UBE2U: variants seen among roughly 807,000 people sequenced by gnomAD.
UBE2U encodes ubiquitin-conjugating enzyme E2 U.
Under a neutral mutation model 41.2 loss-of-function variants are expected in UBE2U, and 39 were observed. The ratio of observed to expected loss-of-function variants is 0.95; its 90% CI spans 0.73 to 1.24. UBE2U has a LOEUF of 1.24. Ranked by LOEUF, UBE2U falls within the 50% of genes most tolerant of loss-of-function variation. UBE2U has a pLI of 0.00. For missense variants in UBE2U, 336 were observed against 363.1 expected (o/e 0.93, Z 0.61); for synonymous variants, 107 against 117.8 (o/e 0.91, Z 0.60).
chr1:64,218,234 A>T (rs1355678904), intron 5 of UBE2U, among the ~76,000 whole-genome samples: 1 of 152,164 alleles, frequency 6.6e-6, no homozygotes, highest in Non-Finnish European at 1.5e-5. Context: ...GTTTTGTTAC[A>T]GATATTCTGT....
intron 6 of UBE2U, among the ~76,000 whole-genome samples, chr1:64,227,137 A>T (rs1028176370): frequency 9.2e-5 from 14 of 152,188 alleles, no homozygotes; most frequent in African/African-American, 3.4e-4. Flanking sequence ...CAGTAATAGG[A>T]ATCTACAAAA....
chr1:64,239,123 GA>G (rs1278254167), intron 7 of UBE2U, among the ~76,000 whole-genome samples: 19 of 24,656 alleles, frequency 7.7e-4, no homozygotes, highest in Admixed American at 3.6e-3. Flanking sequence ...AGAAGAAGAA[GA>G]AGAAGAAGAA....
chr1:64,237,149 A>T (rs561136576), intron 7 of UBE2U, among the ~76,000 whole-genome samples: 11 of 152,170 alleles, frequency 7.2e-5, no homozygotes, highest in African/African-American at 2.7e-4. Context: ...AAAATATTCT[A>T]TCCTCCTTTA....
rs1557751498 is a variant in UBE2U at position 64,260,585 on chromosome 1, TTC to T, written c.678-16_678-15del. On this transcript the variant is annotated splice_polypyrimidine_tract_variant and intron_variant, in intron 8 of 9. Coordinates refer to ENST00000371077, the MANE Select transcript of UBE2U (RefSeq NM_001366232.2). Reference sequence around the variant, plus strand: ...CCAAAATTCATTTGGGAATTTAGTTTTCTTTTTCTCTTTCTAGGTATTCCGTT... The same window carrying T: ...CCAAAATTCATTTGGGAATTTAGTTTTTTTTCTCTTTCTAGGTATTCCGTT... 1.3e-6 allele frequency: 2 copies of T among 1,535,632 alleles called. No individual in the cohort carries two copies. Among genetic ancestry groups the T allele is most frequent in the African/African-American group, 1.4e-5 (1 of 72,576 alleles).
Position 64,204,080 on chromosome 1 carries a change from C to G in UBE2U, c.30C>G (p.His10Gln). The G allele has an allele frequency of 6.2e-7, 1 of 1,613,868 alleles. No individual in the cohort carries two copies. The highest frequency in any genetic ancestry group is 8.5e-7 in the Non-Finnish European group (1 of 1,179,874). The change falls in exon 1 of 10, where the codon CAC (histidine) becomes CAG (glutamine). Residue 10 changes from histidine (H) to glutamine (Q), a missense_variant. Physicochemically the swap from His to Gln is conservative, Grantham distance 24. Coordinates refer to ENST00000371077, the MANE Select transcript of UBE2U (RefSeq NM_001366232.2). MHGRAYLLL[H>Q]RDFCDLKENN... ...ACGGCAGAGCTTACCTCTTGCTGCA[C>G]AGAGACTTCTGTGATCTCAAGGAGA...
At chr1:64,230,762 G>A (rs1259617417) in intron 6 of UBE2U, among the ~76,000 whole-genome samples, 5 of 152,036 alleles carry the variant, frequency 3.3e-5, no homozygotes, top group Non-Finnish European at 5.9e-5. Flanking sequence ...ACTTTATCGC[G>A]TTAATATATA....
intron 2 of UBE2U, among the ~76,000 whole-genome samples, chr1:64,206,227 T>C (rs1219125334): frequency 6.6e-6 from 1 of 152,112 alleles, no homozygotes; most frequent in East Asian, 1.9e-4. Flanking sequence ...TTGAGTGAGG[T>C]AGGGGAGACA....
At chr1:64,218,055 G>C (rs1340404015) in intron 5 of UBE2U, among the ~76,000 whole-genome samples, 1 of 152,114 alleles carries the variant, frequency 6.6e-6, no homozygotes, top group African/African-American at 2.4e-5. Context: ...TCTTTTTAAA[G>C]TGAGTATACT....
intron 8 of UBE2U, among the ~76,000 whole-genome samples, chr1:64,249,047 C>T (rs74639541): frequency 0.17 from 25,903 of 152,024 alleles, 2,893 homozygotes; most frequent in Non-Finnish European, 0.25. Flanking sequence ...ACCTAATAAC[C>T]TAAAATTTAC....
chr1:64,214,902 A>T lies in UBE2U; in HGVS notation c.427A>T (p.Ile143Phe), dbSNP rs1246368656. Residue 143 changes from isoleucine to phenylalanine, a missense_variant, in exon 5 of 10, where the codon ATT (isoleucine) becomes TTT (phenylalanine). Ile to Phe is a conservative substitution (Grantham distance 21). Coordinates refer to ENST00000371077, the MANE Select transcript of UBE2U (RefSeq NM_001366232.2). ...TAAAGATGAATCTCTGTACAGAACAATTCTAAGACTTTTCAACAGGCCATT... is the reference window on the plus strand; with the variant it reads ...TAAAGATGAATCTCTGTACAGAACATTTCTAAGACTTTTCAACAGGCCATT... ...LVKDESLYRT[I>F]LRLFNRPLQM... 3 of 1,614,120 alleles carry T rather than the reference A, an allele frequency of 1.9e-6. No homozygotes were observed. Among genetic ancestry groups the T allele is most frequent in the African/African-American group, 1.3e-5 (1 of 75,054 alleles).
chr1:64,225,092 G>A (rs1303829681), intron 6 of UBE2U, among the ~76,000 whole-genome samples: 2 of 151,996 alleles, frequency 1.3e-5, no homozygotes, highest in African/African-American at 2.4e-5. Flanking sequence ...AGTAATAATG[G>A]TACTGATTTC....
chr1:64,250,588 A>G (rs1644990760), intron 8 of UBE2U, among the ~76,000 whole-genome samples: 1 of 152,186 alleles, frequency 6.6e-6, no homozygotes, highest in East Asian at 1.9e-4. Context: ...ATTATAAATC[A>G]TGCTGCTATA....
intron 8 of UBE2U, among the ~76,000 whole-genome samples, chr1:64,258,422 T>C (rs1375363411): frequency 6.6e-6 from 1 of 151,306 alleles, no homozygotes; most frequent in Non-Finnish European, 1.5e-5. Flanking sequence ...GCTGCACCCA[T>C]TAACTCGTCA....
intron 7 of UBE2U, among the ~76,000 whole-genome samples, chr1:64,235,799 C>T (rs1276761590): frequency 6.6e-6 from 1 of 152,052 alleles, no homozygotes; most frequent in Non-Finnish European, 1.5e-5. Flanking sequence ...ATGAAGTATG[C>T]TCCTATATAT....
chr1:64,263,322 T>C (rs1474151148), intron 9 of UBE2U, among the ~76,000 whole-genome samples: 1 of 152,182 alleles, frequency 6.6e-6, no homozygotes, highest in Non-Finnish European at 1.5e-5. Context: ...CAGTGGAATA[T>C]TAGTGGGTGC....
chr1:64,210,924 C>T, intron 4 of UBE2U, 85 bp downstream of exon 4: 9 of 861,702 alleles, frequency 1.0e-5, no homozygotes, highest in Non-Finnish European at 1.5e-5. Context: ...ATATACAATG[C>T]ATATTTAAGT....
At chr1:64,266,978 C>G (rs1185968425) in intron 9 of UBE2U, 46 bp from the exon 10 acceptor site, 2 of 1,485,610 alleles carry the variant, frequency 1.3e-6, no homozygotes, top group Non-Finnish European at 9.1e-7. Flanking sequence ...TATTGTTTTT[C>G]TTATTATGTC....
chr1:64,264,982 GA>G (rs1645234546), intron 9 of UBE2U, among the ~76,000 whole-genome samples: 1 of 151,784 alleles, frequency 6.6e-6, no homozygotes, highest in South Asian at 2.1e-4. Context: ...TAAAATAAAA[GA>G]AATGGCATGT....
intron 6 of UBE2U, 99 bp from the exon 7 acceptor site, chr1:64,232,462 G>T: frequency 8.1e-6 from 6 of 737,378 alleles, no homozygotes; most frequent in Non-Finnish European, 1.3e-5. Context: ...TTAATATCTT[G>T]TGACAAGATA....
Sources: allele counts gnomAD v4.1 joint callset (sites outside exome capture counted in the v4.1 genomes callset), GRCh38; gene constraint gnomAD v4.1.1; transcripts MANE v1.5; gene names NCBI Gene and HGNC (gene_info 2026-07-23, HGNC 2026-07-21).